ZNF532: variants seen among roughly 807,000 people sequenced by gnomAD.
ZNF532 encodes zinc finger protein 532.
ZNF532 carries 22 observed loss-of-function variants against 89.3 expected under a neutral mutation model. The ratio of observed to expected loss-of-function variants is 0.25; its 90% confidence interval spans 0.18 to 0.35. ZNF532 has a LOEUF of 0.35. Among genes scored for constraint, ZNF532 ranks in the 10% least tolerant of loss-of-function variants. The pLI, the probability that ZNF532 is intolerant of heterozygous loss-of-function variation, is 1.00. For synonymous variants in ZNF532, 606 were observed against 649.6 expected, an observed-to-expected ratio of 0.93 and a Z score of 1.02; for missense variants, 1,132 against 1,643.4, an observed-to-expected ratio of 0.69 and a Z score of 5.38.
rs2068356692 is a variant in ZNF532 at position 58,985,969 on chromosome 18, T to C, written c.*1503T>C. ...GGCCCTTGTGCTTCTGTGAGAGAAT[T>C]ATTGATGGTGGGTCTCTGACATCTT... On this transcript the variant is annotated 3_prime_UTR_variant, in exon 10 of 10. Transcript: ENST00000591808. 6.6e-6 allele frequency: 1 copy of C among 152,592 alleles called. No homozygotes were observed. Among genetic ancestry groups the C allele is most frequent in the Non-Finnish European group, 1.5e-5 (1 of 68,050 alleles). The allele number at this position is 152,592 out of a possible 1,614,324, so 9.5% of individuals were successfully genotyped here.
rs1384698306 is a variant in ZNF532 at position 58,918,415 on chromosome 18, A to T, written c.128A>T (p.Gln43Leu). The T allele has an allele frequency of 1.2e-6, 2 of 1,614,078 alleles. No homozygotes were observed. The highest frequency in any genetic ancestry group is 1.7e-6 in the Non-Finnish European group (2 of 1,180,044). ...GATGACCATGAAAGCCACATGAAGC[A>T]GAATGCTCACGGAGAGGATGACTCC... ...GHDDHESHMK[Q>L]NAHGEDDSHA... The change falls in exon 3 of 10, where the codon CAG becomes CTG. Residue 43 changes from glutamine (Q) to leucine (L), a missense_variant. Gln to Leu is a moderately radical substitution (Grantham distance 113). Around this residue, in one of 9 missense-constraint regions of ZNF532, gnomAD observed 302 missense variants for 319.8 expected, o/e 0.94. Transcript: ENST00000591808.
At chr18:58,926,537 G>T (rs1290832652) in intron 3 of ZNF532, among the ~76,000 whole-genome samples, 2 of 152,068 alleles carry the variant, frequency 1.3e-5, no homozygotes, top group Admixed American at 1.3e-4. Context: ...GGGTTGAGAT[G>T]GGGTTTCTCC....
At chr18:58,870,600 C>A (rs1211886453) in intron 2 of ZNF532, among the ~76,000 whole-genome samples, 2 of 152,050 alleles carry the variant, frequency 1.3e-5, no homozygotes, top group Non-Finnish European at 2.9e-5. Context: ...TTACAAAGGT[C>A]CTGTGGCAGC....
chr18:58,907,665 T>C (rs995209958), intron 2 of ZNF532, among the ~76,000 whole-genome samples: 2 of 152,162 alleles, frequency 1.3e-5, no homozygotes, highest in Non-Finnish European at 2.9e-5. Context: ...CAGGAGAGGA[T>C]GGTCAGGTAG....
At chr18:58,930,988 G>A (rs949946870) in intron 3 of ZNF532, among the ~76,000 whole-genome samples, 7 of 151,962 alleles carry the variant, frequency 4.6e-5, no homozygotes, top group East Asian at 1.9e-4. Flanking sequence ...GGTACTTTTC[G>A]GCTTTATTTT....
At position 58,938,637 on chromosome 18, in the gene ZNF532, C is replaced by T. The variant is rs79340566; in HGVS notation, c.2529-808C>T. On this transcript the variant is annotated intron_variant, in intron 4 of 9. Coordinates refer to ENST00000591808, the MANE Select transcript of ZNF532 (RefSeq NM_001375912.1). ...TCTATCCTGTGGACCACCATGAACC[C>T]CACATACATTGACCACATCAGTGTG... Among the ~76,000 whole-genome samples, 817 of 152,296 alleles carry T rather than the reference C, an allele frequency of 5.4e-3. 4 individuals carry two copies. Among genetic ancestry groups the T allele is most frequent in the African/African-American group, 0.019 (776 of 41,550 alleles).
chr18:58,950,959 T>TC (rs1218578213), intron 6 of ZNF532, among the ~76,000 whole-genome samples: 2 of 149,536 alleles, frequency 1.3e-5, no homozygotes, highest in Admixed American at 6.7e-5. Context: ...TTCAGAGTCT[T>TC]TTTTTTTTTT....
chr18:58,900,718 T>C (rs577888332), intron 2 of ZNF532, among the ~76,000 whole-genome samples: 2 of 152,338 alleles, frequency 1.3e-5, no homozygotes, highest in African/African-American at 2.4e-5. Flanking sequence ...GCAACCGTTA[T>C]TGACATACAA....
intron 2 of ZNF532, among the ~76,000 whole-genome samples, chr18:58,884,917 G>T (rs555762717): frequency 6.6e-6 from 1 of 151,654 alleles, no homozygotes; most frequent in Non-Finnish European, 1.5e-5. Context: ...GACAGGTTTA[G>T]CCTAGACCGT....
At position 58,888,870 on chromosome 18, in the gene ZNF532, TATATA is replaced by T. The variant is rs1420982061; in HGVS notation, c.-18+23292_-18+23296del. Among the ~76,000 whole-genome samples, 137 of 51,186 alleles carry T rather than the reference TATATA, an allele frequency of 2.7e-3. 1 individual carries two copies. Among genetic ancestry groups the T allele is most frequent in the Middle Eastern group, 0.012 (1 of 82 alleles). The allele number at this position is 51,186 out of a possible 152,430, so 33.6% of individuals were successfully genotyped here. On this transcript the variant is annotated intron_variant, in intron 2 of 9. Transcript: ENST00000591808. ...ATATATATAATTTATATATATATAA[TATATA>T]TTATATATATATATTTTATATATAT...
chr18:58,975,271 A>G (rs183534582), intron 7 of ZNF532, among the ~76,000 whole-genome samples: 1 of 152,308 alleles, frequency 6.6e-6, no homozygotes, highest in African/African-American at 2.4e-5. Flanking sequence ...TTCTGGCTGC[A>G]TGGTGGTCGT....
chr18:58,941,980 T>C (rs867393141), intron 5 of ZNF532, among the ~76,000 whole-genome samples: 147 of 107,550 alleles, frequency 1.4e-3, no homozygotes, highest in Middle Eastern at 5.5e-3. Flanking sequence ...CCCTCCCTCC[T>C]TCCCTCCTTC....
At chr18:58,884,645 C>T (rs2058159896) in intron 2 of ZNF532, among the ~76,000 whole-genome samples, 1 of 152,128 alleles carries the variant, frequency 6.6e-6, no homozygotes, top group Admixed American at 6.5e-5. Flanking sequence ...TACAAAATGC[C>T]AAAGGAATGC....
At chr18:58,874,851 G>C (rs748997806) in intron 2 of ZNF532, among the ~76,000 whole-genome samples, 2 of 152,112 alleles carry the variant, frequency 1.3e-5, no homozygotes, top group African/African-American at 2.4e-5. Context: ...ATGTTTGTTT[G>C]ACCATGCCTA....
At chr18:58,888,701 A>ATATATATATATATATATATAAAT (rs2058482299) in intron 2 of ZNF532, among the ~76,000 whole-genome samples, 1 of 48,846 alleles carries the variant, frequency 2.0e-5, no homozygotes, top group Non-Finnish European at 3.1e-5. Context: ...AAAAAATTAT[A>ATATATATATATATATATATAAAT]TATATATATA....
intron 2 of ZNF532, chr18:58,896,320 C>T (rs988437897): frequency 1.3e-5 from 2 of 152,102 alleles, no homozygotes; most frequent in East Asian, 1.9e-4. Context: ...TTTCCATCAC[C>T]TTCAAAAAAA....
intron 7 of ZNF532, among the ~76,000 whole-genome samples, chr18:58,962,667 A>T (rs1310869091): frequency 6.7e-6 from 1 of 149,588 alleles, no homozygotes; most frequent in Middle Eastern, 3.3e-3. Flanking sequence ...CAGTGACGCC[A>T]TCTCGACTCA....
chr18:58,898,621 A>G (rs1304564863), intron 2 of ZNF532, among the ~76,000 whole-genome samples: 1 of 152,124 alleles, frequency 6.6e-6, no homozygotes, highest in Non-Finnish European at 1.5e-5. Context: ...GCCGCGCTAG[A>G]CCCGCTGATC....
chr18:58,897,057 C>G (rs1317554005), intron 2 of ZNF532, among the ~76,000 whole-genome samples: 1 of 151,966 alleles, frequency 6.6e-6, no homozygotes, highest in African/African-American at 2.4e-5. Context: ...TCTGTTTTTT[C>G]CCCCGGGGCT....
Sources: gnomAD v4.1 joint callset for allele counts (sites outside exome capture counted in the v4.1 genomes callset) on GRCh38, gnomAD v4.1.1 for gene constraint, gnomAD v4.1.1 regional missense constraint, MANE v1.5 for transcripts, NCBI Gene and HGNC (gene_info 2026-07-23, HGNC 2026-07-21) for gene names.